Variants in ATP2B2 observed in about 807,000 individuals in gnomAD.
ATP2B2 encodes ATPase plasma membrane Ca2+ transporting 2.
Under a neutral mutation model 120.0 loss-of-function variants are expected in ATP2B2, and 15 were observed. The ratio of observed to expected loss-of-function variants is 0.12; its 90% CI spans 0.08 to 0.19. The LOEUF is 0.19. ATP2B2 is among the 10% of genes least tolerant of loss of function. The pLI, the probability that ATP2B2 is intolerant of heterozygous loss-of-function variation, is 1.00. For missense variants in ATP2B2, 1,045 were observed against 1,719.8 expected (o/e 0.61, Z 6.94); for synonymous variants, 694 against 700.3 (o/e 0.99, Z 0.14).
At chr3:10,444,732 G>C (rs539860930) in intron 2 of ATP2B2, among the ~76,000 whole-genome samples, 1 of 152,356 alleles carries the variant, frequency 6.6e-6, no homozygotes, top group Non-Finnish European at 1.5e-5. Context: ...AATGAGGGCT[G>C]TGTGTGCAAT....
intron 17 of ATP2B2, 32 bp from the exon 18 acceptor site, chr3:10,345,607 G>T: frequency 1.2e-6 from 2 of 1,608,436 alleles, no homozygotes; most frequent in Non-Finnish European, 1.7e-6. Flanking sequence ...GCTGGGTGGG[G>T]TGGCCGGGGG....
intron 1 of ATP2B2, among the ~76,000 whole-genome samples, chr3:10,695,363 T>C (rs954471902): frequency 6.6e-6 from 1 of 151,480 alleles, no homozygotes; most frequent in African/African-American, 2.4e-5. Context: ...GAACAGCACA[T>C]GAAAGACCTG....
chr3:10,351,200 C>T (rs1041630861), intron 14 of ATP2B2, among the ~76,000 whole-genome samples: 5 of 152,134 alleles, frequency 3.3e-5, no homozygotes, highest in Admixed American at 6.6e-5. Flanking sequence ...ACAATCAGGC[C>T]GGATCAGAGC....
At chr3:10,469,789 C>G (rs1367188727) in intron 1 of ATP2B2, among the ~76,000 whole-genome samples, 3 of 152,182 alleles carry the variant, frequency 2.0e-5, no homozygotes. Flanking sequence ...AGGGGCAGTC[C>G]TTCCTGGGCT....
chr3:10,635,288 C>A lies in ATP2B2; in HGVS notation c.-459-15327G>T, dbSNP rs1415160869. Among the ~76,000 whole-genome samples, 1 of 152,102 alleles carries A rather than the reference C, an allele frequency of 6.6e-6. No individual in the cohort carries two copies. The highest frequency in any genetic ancestry group is 1.5e-5 in the Non-Finnish European group (1 of 68,034). On this transcript the variant is annotated intron_variant, in intron 1 of 21. Coordinates refer to the ATP2B2 transcript ENST00000646379. The surrounding 1 kb of genome is among the most constrained non-coding windows in gnomAD (Gnocchi z 4.3). Reference sequence around the variant, plus strand: ...AAACCCATAACATTCAACATAGTCACGGGATTTGCCTGAAGCCCCGGGTTT... The same window carrying A: ...AAACCCATAACATTCAACATAGTCAAGGGATTTGCCTGAAGCCCCGGGTTT...
intron 5 of ATP2B2, among the ~76,000 whole-genome samples, chr3:10,389,693 C>T (rs998580580): frequency 2.6e-5 from 4 of 152,134 alleles, no homozygotes; most frequent in African/African-American, 9.7e-5. Context: ...GATGGTTGCA[C>T]AAAAACGTGA....
At chr3:10,567,794 T>C (rs373984514) in intron 2 of ATP2B2, among the ~76,000 whole-genome samples, 4 of 152,174 alleles carry the variant, frequency 2.6e-5, no homozygotes, top group East Asian at 1.9e-4. Flanking sequence ...TGGGAGCTTC[T>C]TGAGGGCTGA....
intron 1 of ATP2B2, among the ~76,000 whole-genome samples, chr3:10,504,514 C>G (rs530082840): frequency 2.0e-5 from 3 of 152,060 alleles, no homozygotes; most frequent in Admixed American, 2.0e-4. Flanking sequence ...CATGGAGGGC[C>G]CGAGACCCCC....
At chr3:10,588,392 G>A (rs1245075679) in intron 2 of ATP2B2, among the ~76,000 whole-genome samples, 1 of 152,162 alleles carries the variant, frequency 6.6e-6, no homozygotes, top group African/African-American at 2.4e-5. Context: ...TGTCTTGAGT[G>A]CCCAGCAGTG....
At chr3:10,625,571 C>A (rs961200101) in intron 1 of ATP2B2, among the ~76,000 whole-genome samples, 1 of 152,192 alleles carries the variant, frequency 6.6e-6, no homozygotes, top group Non-Finnish European at 1.5e-5. Context: ...TGACCCTTGG[C>A]TTCTTGGGCG....
intron 1 of ATP2B2, among the ~76,000 whole-genome samples, chr3:10,702,891 G>A (rs2071839937): frequency 6.6e-6 from 1 of 152,100 alleles, no homozygotes; most frequent in South Asian, 2.1e-4. Flanking sequence ...GAGATTAGCG[G>A]AGGCTTGTGC....
At chr3:10,667,542 C>T (rs1276077207) in intron 1 of ATP2B2, among the ~76,000 whole-genome samples, 1 of 152,232 alleles carries the variant, frequency 6.6e-6, no homozygotes, top group African/African-American at 2.4e-5. Flanking sequence ...CACTGAAGTG[C>T]CACGCCATCA....
At chr3:10,591,155 C>A (rs2068634456) in intron 2 of ATP2B2, among the ~76,000 whole-genome samples, 1 of 152,076 alleles carries the variant, frequency 6.6e-6, no homozygotes, top group Admixed American at 6.6e-5. Flanking sequence ...TGGCCCTCCC[C>A]AGTAGACGTC....
chr3:10,699,637 G>A (rs2071788037), intron 1 of ATP2B2, among the ~76,000 whole-genome samples: 1 of 152,096 alleles, frequency 6.6e-6, no homozygotes, highest in Non-Finnish European at 1.5e-5. Flanking sequence ...TAGTTTAAGT[G>A]TGTTCCCCAA....
At chr3:10,551,226 A>T (rs1390063313) in intron 2 of ATP2B2, among the ~76,000 whole-genome samples, 1 of 152,240 alleles carries the variant, frequency 6.6e-6, no homozygotes, top group Non-Finnish European at 1.5e-5. Flanking sequence ...TAAGGAGCTC[A>T]TGGGACAGTT....
rs1273935841 is a variant in ATP2B2 at position 10,458,972 on chromosome 3, G to A, written c.-319-9110C>T. On this transcript the variant is annotated intron_variant, in intron 1 of 22. Transcript: ENST00000360273. ...TCTGGACAGAAGCTCAGTGTTGAAGGGTTATTTTAGCCCCACCCTCAAGGA... is the reference window on the plus strand; with the variant it reads ...TCTGGACAGAAGCTCAGTGTTGAAGAGTTATTTTAGCCCCACCCTCAAGGA... 3.3e-5 allele frequency among the ~76,000 whole-genome samples: 5 copies of A among 152,218 alleles called. 1 individual carries two copies. In the South Asian group the frequency reaches 6.2e-4, roughly 19 times the overall value.
chr3:10,576,448 A>T (rs767935217), intron 2 of ATP2B2, among the ~76,000 whole-genome samples: 10 of 152,056 alleles, frequency 6.6e-5, no homozygotes, highest in African/African-American at 9.7e-5. Context: ...TGGTATCATC[A>T]TGGCTCACTG....
At chr3:10,445,803 G>A (rs1428796204) in intron 2 of ATP2B2, among the ~76,000 whole-genome samples, 7 of 152,204 alleles carry the variant, frequency 4.6e-5, no homozygotes, top group Non-Finnish European at 7.3e-5. Flanking sequence ...AGGGGGTGTC[G>A]GGAATGGTCA....
rs566043801 is a variant in ATP2B2 at position 10,582,644 on chromosome 3, GA to G, written c.-415+37272del. On this transcript the variant is annotated intron_variant, in intron 2 of 21. Coordinates refer to the ATP2B2 transcript ENST00000646379. ...GAAGGTGATGTTTGAGCTGAGAATG[GA>G]ATGAGAGGGAGGAGCCAGTAAGATC... Among the ~76,000 whole-genome samples the G allele has an allele frequency of 6.6e-5, 10 of 152,376 alleles. No individual in the cohort carries two copies. In the South Asian group the frequency reaches 2.1e-3, roughly 32 times the overall value.
Sources: gnomAD v4.1 joint callset for allele counts (sites outside exome capture counted in the v4.1 genomes callset) on GRCh38, gnomAD v4.1.1 for gene constraint, Gnocchi (gnomAD v3.1) non-coding constraint, MANE v1.5 for transcripts, NCBI Gene and HGNC (gene_info 2026-07-23, HGNC 2026-07-21) for gene names.